The following STAU1 variants were observed in gnomAD, a reference collection of about 807,000 sequenced individuals.
STAU1 encodes double-stranded RNA-binding protein Staufen homolog 1.
In STAU1, 13 loss-of-function variants were observed where a neutral mutation model predicts 62.9. The ratio of observed to expected loss-of-function variants is 0.21; its 90% CI spans 0.13 to 0.33. The LOEUF (loss-of-function observed/expected upper bound fraction) is 0.33, where lower values mean the gene tolerates loss of function less well. Ranked by LOEUF, STAU1 falls within the 10% of genes least tolerant of loss-of-function variation. STAU1 has a pLI of 1.00. For missense variants in STAU1, 571 were observed against 712.1 expected (o/e 0.80, Z 2.25); for synonymous variants, 269 against 265.1 (o/e 1.01, Z -0.14).
Position 49,166,000 on chromosome 20 carries a change from C to A in STAU1, c.202G>T (p.Ala68Ser), listed in dbSNP as rs765157115. The A allele has an allele frequency of 3.7e-6, 6 of 1,614,058 alleles. No individual in the cohort carries two copies. Among genetic ancestry groups the A allele is most frequent in the South Asian group, 2.2e-5 (2 of 91,074 alleles). Reference sequence around the variant, plus strand: ...ACACTTGGATTCATATGCTTACCTGCAGCTGCACTGGTGGATGTAATAGAT... The same window carrying A: ...ACACTTGGATTCATATGCTTACCTGAAGCTGCACTGGTGGATGTAATAGAT... ...SASITSTSAAAESITPTVELN... is the reference protein window; with the variant it reads ...SASITSTSAASESITPTVELN... Residue 68 changes from alanine (A) to serine (S), a missense_variant, in exon 3 of 14, where the codon GCA becomes TCA. This residue lies in a region of STAU1 where 414 missense variants were observed against 499.6 expected (regional missense o/e 0.83). Coordinates refer to ENST00000371856, the MANE Select transcript of STAU1 (RefSeq NM_017453.4).
At chr20:49,131,883 A>G (rs1046698337) in intron 6 of STAU1, among the ~76,000 whole-genome samples, 2 of 152,020 alleles carry the variant, frequency 1.3e-5, no homozygotes, top group African/African-American at 4.8e-5. Flanking sequence ...GCAAGCAAAT[A>G]TGGTAAAATG....
chr20:49,119,674 T>A (rs1010441761), intron 9 of STAU1, among the ~76,000 whole-genome samples: 2 of 152,142 alleles, frequency 1.3e-5, no homozygotes, highest in African/African-American at 2.4e-5. Context: ...CACTTAGTAA[T>A]TTCAGTCCTA....
chr20:49,154,855 C>T (rs965097625), intron 3 of STAU1, among the ~76,000 whole-genome samples: 7 of 151,058 alleles, frequency 4.6e-5, no homozygotes, highest in Non-Finnish European at 1.0e-4. Flanking sequence ...AAGGCCGAGG[C>T]GGGTGGATCA....
chr20:49,138,033 C>A (rs2092928051), intron 5 of STAU1, among the ~76,000 whole-genome samples: 1 of 151,906 alleles, frequency 6.6e-6, no homozygotes, highest in South Asian at 2.1e-4. Context: ...GCCTGTGATC[C>A]CAAAACTTTT....
chr20:49,129,630 CTT>C (rs558925613), intron 6 of STAU1, among the ~76,000 whole-genome samples: 14 of 96,660 alleles, frequency 1.4e-4, no homozygotes, highest in Non-Finnish European at 2.0e-4. Flanking sequence ...AGTTTGGCAA[CTT>C]TTTTTTTTTT....
At position 49,166,277 on chromosome 20, in the gene STAU1, A is replaced by C. The variant is rs1453296693; in HGVS notation, c.-76T>G. 7.6e-7 allele frequency: 1 copy of C among 1,318,086 alleles called. No individual in the cohort carries two copies. The highest frequency in any genetic ancestry group is 1.1e-6 in the Non-Finnish European group (1 of 932,836). 81.6% of individuals were successfully genotyped at this position (1,318,086 alleles called of 1,614,324 possible). A position where few individuals can be genotyped will look rare whatever the true frequency, so the allele number is the denominator to read the frequency against. ...GGTTAATTCAGTGCTATGAAGTCTA[A>C]AGTTCTACCTAAAAGTTGTAAGGGA... is the stretch of plus-strand genomic sequence containing the variant. On this transcript the variant is annotated 5_prime_UTR_variant, in exon 3 of 14. Coordinates refer to ENST00000371856, the MANE Select transcript of STAU1 (RefSeq NM_017453.4).
Position 49,117,399 on chromosome 20 carries a change from C to T in STAU1, c.1510-151G>A. ...CATACTAACACCTGCCCTGTCAGCC[C>T]AGAACCTTCCAGGAACCTAGGTGTC... On this transcript the variant is annotated intron_variant, in intron 11 of 13. Transcript: ENST00000371856. This position sits in a 1 kb window ranked among gnomAD's most constrained non-coding sequence, Gnocchi z 4.6. 1.1e-6 allele frequency: 1 copy of T among 921,688 alleles called. No individual in the cohort carries two copies. Among genetic ancestry groups the T allele is most frequent in the African/African-American group, 1.7e-5 (1 of 59,718 alleles). The allele number at this position is 921,688 out of a possible 1,614,324, so 57.1% of individuals were successfully genotyped here. A position where few individuals can be genotyped will look rare whatever the true frequency, so the allele number is the denominator to read the frequency against.
At chr20:49,188,589 G>C (rs371433022), upstream of STAU1, among the ~76,000 whole-genome samples, 14 of 152,360 alleles carry the variant, frequency 9.2e-5, 1 homozygote, top group South Asian at 8.3e-4. Context: ...TGTAGTTCTG[G>C]TGGGAGTTTC....
chr20:49,114,655 C>A lies in STAU1; in HGVS notation c.*223G>T. ...ACAGGCAGCTGCTATTGCGTAGGGA[C>A]CGCCAGGTCACCGAGTGGCCATCAC... is the stretch of plus-strand genomic sequence containing the variant. On this transcript the variant is annotated 3_prime_UTR_variant, in exon 14 of 14. Transcript: ENST00000371856. The A allele has an allele frequency of 1.9e-6, 1 of 515,042 alleles. No homozygotes were observed. Among genetic ancestry groups the A allele is most frequent in the Non-Finnish European group, 3.5e-6 (1 of 283,242 alleles). The allele number at this position is 515,042 out of a possible 1,614,324, so 31.9% of individuals were successfully genotyped here.
At chr20:49,131,189 A>G (rs1018681705) in intron 6 of STAU1, among the ~76,000 whole-genome samples, 4 of 152,254 alleles carry the variant, frequency 2.6e-5, no homozygotes, top group African/African-American at 7.2e-5. Flanking sequence ...CAATGTCATG[A>G]AACACAGAGA....
At chr20:49,191,359 A>T (rs2093831027), upstream of STAU1, among the ~76,000 whole-genome samples, 1 of 152,158 alleles carries the variant, frequency 6.6e-6, no homozygotes, top group Non-Finnish European at 1.5e-5. Flanking sequence ...GCCTCTTAGT[A>T]GAACTTTGCA....
chr20:49,151,457 G>T, intron 5 of STAU1, 125 bp downstream of exon 5: 3 of 955,522 alleles, frequency 3.1e-6, no homozygotes, highest in South Asian at 2.5e-5. Flanking sequence ...AATCTTGGAG[G>T]CATTCAAATA....
intron 6 of STAU1, chr20:49,134,970 T>G (rs772841332): frequency 4.4e-6 from 7 of 1,602,908 alleles, no homozygotes; most frequent in Non-Finnish European, 6.0e-6. Flanking sequence ...ACTTGCTTTG[T>G]GAAGAGACAG....
intron 5 of STAU1, among the ~76,000 whole-genome samples, chr20:49,147,344 G>T (rs898127936): frequency 6.6e-6 from 1 of 152,294 alleles, no homozygotes; most frequent in East Asian, 1.9e-4. Flanking sequence ...GGCATGGAGG[G>T]CCCAGACTAT....
At chr20:49,177,550 G>A (rs986239105) in intron 1 of STAU1, among the ~76,000 whole-genome samples, 1 of 151,894 alleles carries the variant, frequency 6.6e-6, no homozygotes, top group African/African-American at 2.4e-5. Context: ...ATGGTGGCGG[G>A]CGCCTGTAGT....
In STAU1 at chr20:49,117,133, T is replaced by C. The variant is rs763229721; in HGVS notation, c.1625A>G (p.His542Arg). Reference sequence around the variant, plus strand: ...ACCCAAGGTGTGACGTACCATATCATGGCAGGACTCCACATCCTTGCCGAT... The same window carrying C: ...ACCCAAGGTGTGACGTACCATATCACGGCAGGACTCCACATCCTTGCCGAT... ...HGIGKDVESC[H>R]DMAALNILKL... Residue 542 changes from histidine (H) to arginine (R), a missense_variant, in exon 12 of 14, where the codon CAT becomes CGT. By Grantham distance (29) the His-to-Arg change is conservative. Coordinates refer to ENST00000371856, the MANE Select transcript of STAU1 (RefSeq NM_017453.4). This position sits in a 1 kb window ranked among gnomAD's most constrained non-coding sequence, Gnocchi z 4.6. The C allele has an allele frequency of 2.5e-6, 4 of 1,614,166 alleles. No homozygotes were observed. The highest frequency in any genetic ancestry group is 3.4e-6 in the Non-Finnish European group (4 of 1,180,022).
chr20:49,135,909 T>C lies in STAU1; in HGVS notation c.533A>G (p.Glu178Gly). 1 of 1,613,816 alleles carries C rather than the reference T, an allele frequency of 6.2e-7. No individual in the cohort carries two copies. The highest frequency in any genetic ancestry group is 8.5e-7 in the Non-Finnish European group (1 of 1,179,854). Residue 178 changes from glutamate to glycine, a missense_variant, in exon 6 of 14, where the codon GAA becomes GGA. This residue lies in a region of STAU1 where 414 missense variants were observed against 499.6 expected (regional missense o/e 0.83). Transcript: ENST00000371856. ...RLEVNGRESE[E>G]ENLNKSEISQ... The stretch of plus-strand genomic sequence containing the variant: ...TATTTCAGATTTATTGAGATTTTCT[T>C]CTTCGGATTCTCTTCCATTCACCTG...
In STAU1 at chr20:49,181,763, C is replaced by CAAAAAAAAAAAAAAAAAAAAAA. The variant is rs1309573018; in HGVS notation, c.-160+6352_-160+6353insTTTTTTTTTTTTTTTTTTTTTT. On this transcript the variant is annotated intron_variant, in intron 1 of 13. Transcript: ENST00000371856. The stretch of plus-strand genomic sequence containing the variant: ...CCTGGGCAACAGAGCAAGACTATCT[C>CAAAAAAAAAAAAAAAAAAAAAA]AACAAAAAAAAAAAAAAAAAAAAAA... Among the ~76,000 whole-genome samples, 2 of 66,702 alleles carry CAAAAAAAAAAAAAAAAAAAAAA rather than the reference C, an allele frequency of 3.0e-5. 1 individual carries two copies. The highest frequency in any genetic ancestry group is 5.6e-5 in the Non-Finnish European group (2 of 35,820). 43.8% of individuals were successfully genotyped at this position (66,702 alleles called of 152,430 possible). A position where few individuals can be genotyped will look rare whatever the true frequency, so the allele number is the denominator to read the frequency against.
intron 2 of STAU1, among the ~76,000 whole-genome samples, chr20:49,167,230 C>G (rs1318034906): frequency 7.5e-6 from 1 of 132,936 alleles, no homozygotes; most frequent in Non-Finnish European, 1.8e-5. Context: ...TAAAAATAAC[C>G]AGTGGCAACA....
Sources: gnomAD v4.1 joint callset for allele counts (sites outside exome capture counted in the v4.1 genomes callset) on GRCh38, gnomAD v4.1.1 for gene constraint, gnomAD v4.1.1 regional missense constraint, Gnocchi (gnomAD v3.1) non-coding constraint, MANE v1.5 for transcripts, NCBI Gene and HGNC (gene_info 2026-07-23, HGNC 2026-07-21) for gene names.